The following CDH10 variants were observed in gnomAD, a reference collection of about 807,000 sequenced individuals.
CDH10 encodes the protein cadherin 10, also known as cadherin-10.
In CDH10, 30 loss-of-function variants were observed where a neutral mutation model predicts 73.1. That is an observed-to-expected ratio of 0.41 (90% CI 0.31 to 0.56). CDH10 has a LOEUF of 0.56. Among genes scored for constraint, CDH10 ranks in the 20% least tolerant of loss-of-function variants. The pLI, the probability that CDH10 is intolerant of heterozygous loss-of-function variation, is 0.27. For missense variants in CDH10, 815 were observed against 973.7 expected, an observed-to-expected ratio of 0.84 and a Z score of 2.17; for synonymous variants, 345 against 348.2, an observed-to-expected ratio of 0.99 and a Z score of 0.10.
chr5:24,611,798 A>G (rs1253882282), intron 1 of CDH10: 1 of 152,106 alleles, frequency 6.6e-6, no homozygotes, highest in Non-Finnish European at 1.5e-5. Flanking sequence ...TCTTGCTAGG[A>G]GACTCTCTAT....
chr5:24,540,932 AAT>A (rs763220919), intron 2 of CDH10, among the ~76,000 whole-genome samples: 1 of 151,968 alleles, frequency 6.6e-6, no homozygotes, highest in Non-Finnish European at 1.5e-5. Flanking sequence ...TGGATAATCT[AAT>A]TGTACATAAA....
chr5:24,610,086 G>A (rs982506403), intron 1 of CDH10: 1 of 152,314 alleles, frequency 6.6e-6, no homozygotes, highest in African/African-American at 2.4e-5. Flanking sequence ...ATACAGGAGA[G>A]GTATTTAGCT....
chr5:24,604,305 T>G (rs1376805361), intron 1 of CDH10, among the ~76,000 whole-genome samples: 1 of 152,128 alleles, frequency 6.6e-6, no homozygotes, highest in Non-Finnish European at 1.5e-5. Context: ...TATAATCATG[T>G]AATTGCCCTC....
chr5:24,644,962 C>T lies in CDH10; in HGVS notation c.-492G>A, dbSNP rs1163238102. 1.3e-5 allele frequency: 2 copies of T among 152,012 alleles called. No homozygotes were observed. Among genetic ancestry groups the T allele is most frequent in the Non-Finnish European group, 2.9e-5 (2 of 68,020 alleles). The allele number at this position is 152,012 out of a possible 1,614,324, so 9.4% of individuals were successfully genotyped here. Reference sequence around the variant, plus strand: ...GTGGAAGTGCTGGCTTCTGCGAGCACACAGCGATTTGCAAGTGAATGCGAG... The same window carrying T: ...GTGGAAGTGCTGGCTTCTGCGAGCATACAGCGATTTGCAAGTGAATGCGAG... On this transcript the variant is annotated 5_prime_UTR_variant, in exon 1 of 12. In the 5' UTR this introduces an upstream ATG that the reference lacks. Coordinates refer to ENST00000264463, the MANE Select transcript of CDH10 (RefSeq NM_006727.5).
intron 5 of CDH10, among the ~76,000 whole-genome samples, chr5:24,521,246 T>G (rs1014673035): frequency 1.3e-5 from 2 of 152,102 alleles, no homozygotes; most frequent in African/African-American, 2.4e-5. Flanking sequence ...CTAAATATGT[T>G]TAAAGAAGTA....
intron 2 of CDH10, among the ~76,000 whole-genome samples, chr5:24,562,169 C>T (rs556271855): frequency 1.3e-5 from 2 of 152,008 alleles, no homozygotes; most frequent in South Asian, 4.2e-4. Context: ...AATGAAACTA[C>T]ATTCATGTAA....
chr5:24,530,650 C>G (rs1174656462), intron 5 of CDH10, among the ~76,000 whole-genome samples: 1 of 151,926 alleles, frequency 6.6e-6, no homozygotes, highest in Non-Finnish European at 1.5e-5. Context: ...GAATCCTCCT[C>G]AATGGAACTG....
chr5:24,633,803 C>T (rs1049750823), intron 1 of CDH10, among the ~76,000 whole-genome samples: 1 of 151,646 alleles, frequency 6.6e-6, no homozygotes, highest in Non-Finnish European at 1.5e-5. Context: ...ATCTTATAAC[C>T]CTTAATGTAA....
rs199514642 is a variant in CDH10, at chr5:24,598,152, C to T, written c.-123-4539G>A. 2.0e-5 allele frequency among the ~76,000 whole-genome samples: 3 copies of T among 151,956 alleles called. No homozygotes were observed. In the East Asian group the frequency reaches 5.8e-4, roughly 29 times the overall value. ...ATACTAAATGCATACTAAATACTTC[C>T]TTTTTATTCAGCTGATACCATTTTA... On this transcript the variant is annotated intron_variant, in intron 1 of 11. Coordinates refer to ENST00000264463, the MANE Select transcript of CDH10 (RefSeq NM_006727.5).
intron 5 of CDH10, among the ~76,000 whole-genome samples, chr5:24,527,276 T>C (rs962845381): frequency 3.0e-4 from 44 of 147,986 alleles, no homozygotes; most frequent in Admixed American, 2.2e-3. Context: ...CATATACTTA[T>C]ATAAATATAG....
chr5:24,589,209 A>G (rs1162455691), intron 2 of CDH10, among the ~76,000 whole-genome samples: 1 of 152,172 alleles, frequency 6.6e-6, no homozygotes, highest in African/African-American at 2.4e-5. Context: ...CGACAAGTCT[A>G]TAGAGAAGGA....
At position 24,549,710 on chromosome 5, in the gene CDH10, C is replaced by T. The variant is rs946253901; in HGVS notation, c.232-12036G>A. ...GGGATTATAGGCGCCTGCCACAATGCCCTGCTAATTTTTGTGTTTTTAGTA... is the reference window on the plus strand; with the variant it reads ...GGGATTATAGGCGCCTGCCACAATGTCCTGCTAATTTTTGTGTTTTTAGTA... On this transcript the variant is annotated intron_variant, in intron 2 of 11. Coordinates refer to ENST00000264463, the MANE Select transcript of CDH10 (RefSeq NM_006727.5). Among the ~76,000 whole-genome samples the T allele has an allele frequency of 6.6e-5, 10 of 151,952 alleles. 1 individual carries two copies. Among genetic ancestry groups the T allele is most frequent in the Admixed American group, 6.6e-4 (10 of 15,234 alleles).
At chr5:24,585,220 A>G (rs7716158) in intron 2 of CDH10, among the ~76,000 whole-genome samples, 26,704 of 152,034 alleles carry the variant, frequency 0.18, 2,540 homozygotes, top group African/African-American at 0.22. Context: ...GCTCAAAGCC[A>G]TCTTATTCTC....
At chr5:24,545,172 G>A (rs1460615415) in intron 2 of CDH10, among the ~76,000 whole-genome samples, 1 of 152,094 alleles carries the variant, frequency 6.6e-6, no homozygotes, top group Non-Finnish European at 1.5e-5. Context: ...TTATATTTTT[G>A]AAGATCACTG....
At chr5:24,630,710 C>T (rs938538967) in intron 1 of CDH10, among the ~76,000 whole-genome samples, 1 of 151,540 alleles carries the variant, frequency 6.6e-6, no homozygotes, top group African/African-American at 2.4e-5. Flanking sequence ...AAACAGAACT[C>T]CTAGAAATAA....
intron 9 of CDH10, among the ~76,000 whole-genome samples, chr5:24,494,399 G>A (rs1417438981): frequency 6.6e-6 from 1 of 151,688 alleles, no homozygotes; most frequent in Non-Finnish European, 1.5e-5. Flanking sequence ...AGTATATATT[G>A]AAGAGGAAAA....
chr5:24,523,586 A>G (rs1031762506), intron 5 of CDH10, among the ~76,000 whole-genome samples: 4 of 152,096 alleles, frequency 2.6e-5, no homozygotes, highest in Non-Finnish European at 5.9e-5. Flanking sequence ...GTTCTCAAAC[A>G]TTTTATTTTT....
chr5:24,512,655 T>G (rs1742962408), intron 5 of CDH10, among the ~76,000 whole-genome samples: 1 of 152,194 alleles, frequency 6.6e-6, no homozygotes, highest in Non-Finnish European at 1.5e-5. Context: ...AATTTATGTT[T>G]TTGGTGTACC....
In CDH10 at chr5:24,590,427, C is replaced by T. The variant is rs55637406; in HGVS notation, c.231+2833G>A. 6.3e-3 allele frequency among the ~76,000 whole-genome samples: 952 copies of T among 151,488 alleles called. 10 individuals carry two copies. Among genetic ancestry groups the T allele is most frequent in the African/African-American group, 0.022 (891 of 41,328 alleles). Reference sequence around the variant, plus strand: ...TGTTAGTGTATTAGTGTATATAATACACTATAATCATGACCTTTGATTTCA... The same window carrying T: ...TGTTAGTGTATTAGTGTATATAATATACTATAATCATGACCTTTGATTTCA... On this transcript the variant is annotated intron_variant, in intron 2 of 11. Transcript: ENST00000264463.
Sources: allele counts gnomAD v4.1 joint callset (sites outside exome capture counted in the v4.1 genomes callset), GRCh38; gene constraint gnomAD v4.1.1; transcripts MANE v1.5; gene names NCBI Gene and HGNC (gene_info 2026-07-23, HGNC 2026-07-21).